PTPRD: variants seen among roughly 807,000 people sequenced by gnomAD.
PTPRD encodes the protein protein tyrosine phosphatase receptor type D, also known as receptor-type tyrosine-protein phosphatase delta.
Under a neutral mutation model 214.5 loss-of-function variants are expected in PTPRD, and 34 were observed. That is an observed-to-expected ratio of 0.16 (90% CI 0.12 to 0.21). The LOEUF (loss-of-function observed/expected upper bound fraction) is 0.21. Ranked by LOEUF, PTPRD falls within the 10% of genes least tolerant of loss-of-function variation. The pLI is 1.00. For missense variants in PTPRD, 2,545 were observed against 2,398.7 expected, an observed-to-expected ratio of 1.06 and a Z score of -1.27; for synonymous variants, 1,128 against 845.7, an observed-to-expected ratio of 1.33 and a Z score of -5.79.
At chr9:8,760,087 C>T (rs771141625) in intron 11 of PTPRD, among the ~76,000 whole-genome samples, 7 of 152,176 alleles carry the variant, frequency 4.6e-5, no homozygotes, top group South Asian at 2.1e-4. Flanking sequence ...TGCGCCACAA[C>T]GCCCAGCTAA....
intron 10 of PTPRD, among the ~76,000 whole-genome samples, chr9:9,078,617 T>A (rs1591202467): frequency 6.6e-6 from 1 of 151,792 alleles, no homozygotes; most frequent in East Asian, 1.9e-4. Flanking sequence ...CCAGAAGCAG[T>A]CTCTGGGAAA....
intron 11 of PTPRD, among the ~76,000 whole-genome samples, chr9:8,807,954 T>C (rs903497915): frequency 6.6e-6 from 1 of 152,216 alleles, no homozygotes; most frequent in Admixed American, 6.5e-5. Flanking sequence ...CACTCTTGTA[T>C]GTTAAGTTCT....
intron 14 of PTPRD, among the ~76,000 whole-genome samples, chr9:8,542,101 G>T (rs191092973): frequency 1.3e-5 from 2 of 151,942 alleles, no homozygotes; most frequent in Non-Finnish European, 2.9e-5. Context: ...TTAGAAAAAG[G>T]GTTTCAGGCA....
intron 8 of PTPRD, among the ~76,000 whole-genome samples, chr9:9,573,011 C>A (rs1357858542): frequency 6.6e-6 from 1 of 151,524 alleles, no homozygotes; most frequent in Non-Finnish European, 1.5e-5. Flanking sequence ...ATGTACACAA[C>A]AAAATACATA....
Position 9,403,587 on chromosome 9 carries a change from T to C in PTPRD, c.-236-6105A>G, listed in dbSNP as rs142448563. Among the ~76,000 whole-genome samples, 1,245 of 152,190 alleles carry C rather than the reference T, an allele frequency of 8.2e-3. 25 individuals carry two copies. The highest frequency in any genetic ancestry group is 0.076 in the East Asian group (392 of 5,154). On this transcript the variant is annotated intron_variant, in intron 8 of 45. Coordinates refer to ENST00000381196, the MANE Select transcript of PTPRD (RefSeq NM_002839.4). Reference sequence around the variant, plus strand: ...CATTGTAAAAAATATTTTAACCATGTGATAAATCCAGTGAATAAACAGTGG... The same window carrying C: ...CATTGTAAAAAATATTTTAACCATGCGATAAATCCAGTGAATAAACAGTGG...
At chr9:10,441,121 T>C (rs575456328) in intron 2 of PTPRD, among the ~76,000 whole-genome samples, 59 of 151,828 alleles carry the variant, frequency 3.9e-4, no homozygotes, top group African/African-American at 1.3e-3. Flanking sequence ...TCCAGTCTCA[T>C]GTCCTCCAAT....
At chr9:9,831,085 T>C (rs1044194896) in intron 5 of PTPRD, among the ~76,000 whole-genome samples, 1 of 151,892 alleles carries the variant, frequency 6.6e-6, no homozygotes, top group African/African-American at 2.4e-5. Flanking sequence ...TAGCCTATGG[T>C]CACCCAGTAG....
chr9:9,890,490 G>A (rs1472915429), intron 5 of PTPRD, among the ~76,000 whole-genome samples: 1 of 151,996 alleles, frequency 6.6e-6, no homozygotes, highest in African/African-American at 2.4e-5. Flanking sequence ...TGAGCCACAT[G>A]ACCAGCCAGT....
At chr9:10,345,615 C>T (rs1233065334) in intron 2 of PTPRD, among the ~76,000 whole-genome samples, 2 of 152,172 alleles carry the variant, frequency 1.3e-5, no homozygotes, top group African/African-American at 4.8e-5. Context: ...TGTGGCTACA[C>T]AGTATTCCAC....
rs368097254 is a variant in PTPRD at position 10,175,752 on chromosome 9, TG to T, written c.-544-141963del. 6.9e-3 allele frequency among the ~76,000 whole-genome samples: 1,056 copies of T among 152,128 alleles called. 13 individuals are homozygous for T. The highest frequency in any genetic ancestry group is 0.024 in the African/African-American group (1,004 of 41,560). On this transcript the variant is annotated intron_variant, in intron 3 of 45. Transcript: ENST00000381196. ...AAATCATTAAATTAGTCAAAGTATG[TG>T]GAATAGTATGACCATATATAGCCTT...
rs190916208 is a variant in PTPRD at position 9,995,348 on chromosome 9, A to G, written c.-472+38370T>C. Among the ~76,000 whole-genome samples the G allele has an allele frequency of 2.2e-3, 336 of 152,312 alleles. 1 individual carries two copies. The highest frequency in any genetic ancestry group is 7.2e-3 in the African/African-American group (301 of 41,568). ...ACAATCAAACAAAAACAAGGCCCCC[A>G]ACAGTTGTAAAGGTAAGCTATAAAT... On this transcript the variant is annotated intron_variant, in intron 4 of 45. Transcript: ENST00000381196.
chr9:8,454,557 G>C (rs1267305668), intron 33 of PTPRD: 25 of 1,612,658 alleles, frequency 1.6e-5, no homozygotes, highest in Non-Finnish European at 2.1e-5. Flanking sequence ...GAACATTAAA[G>C]GGGTTTGTTC....
In PTPRD at chr9:10,148,995, T is replaced by C. The variant is rs562781929; in HGVS notation, c.-544-115205A>G. Among the ~76,000 whole-genome samples, 38 of 152,316 alleles carry C rather than the reference T, an allele frequency of 2.5e-4. No homozygotes were observed. In the South Asian group the frequency reaches 7.9e-3, roughly 32 times the overall value. On this transcript the variant is annotated intron_variant, in intron 3 of 45. Transcript: ENST00000381196. ...GAAATGTGGTTTCAGAATAAATTAA[T>C]GGCATTTCAGTGTGCTTCCTGCAGC...
chr9:10,384,861 T>C (rs1204207972), intron 2 of PTPRD, among the ~76,000 whole-genome samples: 1 of 151,808 alleles, frequency 6.6e-6, no homozygotes, highest in Non-Finnish European at 1.5e-5. Flanking sequence ...ATGTATAAAA[T>C]TGTTCTTGTT....
intron 2 of PTPRD, among the ~76,000 whole-genome samples, chr9:10,577,977 T>C (rs2070108863): frequency 6.6e-6 from 1 of 151,750 alleles, no homozygotes; most frequent in South Asian, 2.1e-4. Context: ...AATGGCGTGA[T>C]CTCGGCTCAC....
chr9:10,309,790 A>G (rs2096214914), intron 3 of PTPRD, among the ~76,000 whole-genome samples: 1 of 152,038 alleles, frequency 6.6e-6, no homozygotes, highest in Admixed American at 6.6e-5. Context: ...CGTCAATTTA[A>G]ACAAAAAAAT....
At chr9:9,520,002 C>G (rs985198552) in intron 8 of PTPRD, among the ~76,000 whole-genome samples, 1 of 151,752 alleles carries the variant, frequency 6.6e-6, no homozygotes, top group African/African-American at 2.4e-5. Flanking sequence ...TGAAAATAGG[C>G]CTATGTATGT....
intron 2 of PTPRD, among the ~76,000 whole-genome samples, chr9:10,376,899 T>C (rs1272322269): frequency 6.6e-6 from 1 of 152,034 alleles, no homozygotes; most frequent in East Asian, 1.9e-4. Flanking sequence ...CTTTGTGTTA[T>C]AAACAATCCA....
chr9:10,463,839 G>C (rs1372937040), intron 2 of PTPRD, among the ~76,000 whole-genome samples: 2 of 151,884 alleles, frequency 1.3e-5, no homozygotes, highest in East Asian at 1.9e-4. Flanking sequence ...ATGAAGATGA[G>C]AGAAAAATGA....
Sources: gnomAD v4.1 joint callset for allele counts (sites outside exome capture counted in the v4.1 genomes callset) on GRCh38, gnomAD v4.1.1 for gene constraint, MANE v1.5 for transcripts, NCBI Gene and HGNC (gene_info 2026-07-23, HGNC 2026-07-21) for gene names.